The following GPC6 variants were observed in gnomAD, a reference collection of about 807,000 sequenced individuals.
The protein encoded by GPC6 is glypican 6, also known as glypican-6.
Under a neutral mutation model 55.2 loss-of-function variants are expected in GPC6, and 14 were observed. The observed-to-expected ratio is 0.25, with a 90% CI of 0.17 to 0.40. The LOEUF is 0.40. GPC6 is among the 10% of genes least tolerant of loss of function. The pLI is 1.00. For missense variants in GPC6, 641 were observed against 708.5 expected (o/e 0.90, Z 1.08); for synonymous variants, 278 against 259.6 (o/e 1.07, Z -0.68).
intron 1 of GPC6, among the ~76,000 whole-genome samples, chr13:93,261,970 G>GCATATAT (rs1877166138): frequency 7.1e-6 from 1 of 141,736 alleles, no homozygotes; most frequent in South Asian, 2.3e-4. Context: ...ACACACACTT[G>GCATATAT]CATATATTAT....
intron 6 of GPC6, among the ~76,000 whole-genome samples, chr13:94,311,371 G>T (rs1003222429): frequency 6.6e-6 from 1 of 152,134 alleles, no homozygotes; most frequent in Non-Finnish European, 1.5e-5. Flanking sequence ...GTTTCACCAT[G>T]TTTTCCAGGC....
intron 2 of GPC6, among the ~76,000 whole-genome samples, chr13:93,581,085 T>G (rs1876914992): frequency 6.6e-6 from 1 of 152,156 alleles, no homozygotes; most frequent in Non-Finnish European, 1.5e-5. Context: ...CTTTTTAAAG[T>G]TTTCACTTCT....
At chr13:93,758,247 G>C (rs181479507) in intron 2 of GPC6, among the ~76,000 whole-genome samples, 372 of 152,238 alleles carry the variant, frequency 2.4e-3, no homozygotes, top group Non-Finnish European at 3.7e-3. Context: ...GAGGCAACAG[G>C]GCAGCTGTCT....
intron 1 of GPC6, among the ~76,000 whole-genome samples, chr13:93,234,705 A>AGT (rs1457204578): frequency 6.6e-6 from 1 of 151,758 alleles, no homozygotes; most frequent in African/African-American, 2.4e-5. Context: ...AGAGAGAGAG[A>AGT]GAGTGCAAGA....
chr13:94,024,421 T>C (rs576993345), intron 3 of GPC6, among the ~76,000 whole-genome samples: 4 of 152,270 alleles, frequency 2.6e-5, no homozygotes, highest in East Asian at 3.9e-4. Flanking sequence ...AAAGCAACAT[T>C]TTCAGAAGCT....
intron 1 of GPC6, among the ~76,000 whole-genome samples, chr13:93,412,917 T>C (rs1481749141): frequency 1.3e-5 from 2 of 152,184 alleles, no homozygotes. Context: ...CAAACTGTGA[T>C]GATTAGAAAA....
intron 1 of GPC6, among the ~76,000 whole-genome samples, chr13:93,477,193 G>A (rs1299654796): frequency 6.6e-6 from 1 of 151,958 alleles, no homozygotes; most frequent in African/African-American, 2.4e-5. Context: ...AAACAAAAGT[G>A]ATATTTTAGA....
At chr13:93,876,533 T>A (rs1889303367) in intron 3 of GPC6, among the ~76,000 whole-genome samples, 1 of 152,072 alleles carries the variant, frequency 6.6e-6, no homozygotes, top group Non-Finnish European at 1.5e-5. Context: ...TTTTGTTGCC[T>A]AAAAATGAGA....
At chr13:94,161,006 A>G (rs1177054157) in intron 4 of GPC6, among the ~76,000 whole-genome samples, 1 of 152,208 alleles carries the variant, frequency 6.6e-6, no homozygotes, top group Non-Finnish European at 1.5e-5. Flanking sequence ...TTACCAAGCC[A>G]GTGCCTGCCC....
At chr13:93,856,250 A>G (rs1319891635) in intron 3 of GPC6, among the ~76,000 whole-genome samples, 1 of 151,574 alleles carries the variant, frequency 6.6e-6, no homozygotes, top group Non-Finnish European at 1.5e-5. Flanking sequence ...GGTCTACTCA[A>G]CAGCAGCTGA....
chr13:94,262,075 G>A (rs1891672805), intron 4 of GPC6, among the ~76,000 whole-genome samples: 1 of 152,172 alleles, frequency 6.6e-6, no homozygotes, highest in African/African-American at 2.4e-5. Flanking sequence ...AAGAAGTCTT[G>A]GGAGGCATTT....
At chr13:93,970,131 A>G (rs903232958) in intron 3 of GPC6, among the ~76,000 whole-genome samples, 2 of 152,190 alleles carry the variant, frequency 1.3e-5, no homozygotes, top group Non-Finnish European at 2.9e-5. Flanking sequence ...CTTAATATTT[A>G]TTCTTTTCGA....
At chr13:93,614,019 C>G (rs754708746) in intron 2 of GPC6, among the ~76,000 whole-genome samples, 2 of 152,066 alleles carry the variant, frequency 1.3e-5, no homozygotes, top group Non-Finnish European at 2.9e-5. Context: ...GTTACTGTGG[C>G]CAAAAACCTC....
At chr13:94,017,365 C>T (rs1882508124) in intron 3 of GPC6, among the ~76,000 whole-genome samples, 1 of 152,250 alleles carries the variant, frequency 6.6e-6, no homozygotes, top group Non-Finnish European at 1.5e-5. Context: ...AATGGACTCA[C>T]ATTGCTGGGG....
intron 1 of GPC6, among the ~76,000 whole-genome samples, chr13:93,231,403 A>ATG (rs1489085767): frequency 6.8e-4 from 22 of 32,298 alleles, no homozygotes; most frequent in Non-Finnish European, 9.3e-4. Context: ...ATATGTATAT[A>ATG]TATATATATA....
intron 3 of GPC6, chr13:94,025,342 A>T (rs189826619): frequency 6.6e-6 from 1 of 152,330 alleles, no homozygotes; most frequent in East Asian, 1.9e-4. Context: ...CATGCCAATA[A>T]GGAAAATGTG....
rs149089568 is a variant in GPC6, at chr13:94,298,545, T to C, written c.1009-7435T>C. On this transcript the variant is annotated intron_variant, in intron 5 of 8. Transcript: ENST00000377047. The stretch of plus-strand genomic sequence containing the variant: ...CCATTGCCTGAGCTCTGAGCCCAGC[T>C]GTCTCCAGCACCCACGGCTCTGATA... Among the ~76,000 whole-genome samples the C allele has an allele frequency of 2.8e-3, 433 of 152,296 alleles. 4 individuals are homozygous for C. The highest frequency in any genetic ancestry group is 9.4e-3 in the African/African-American group (389 of 41,576).
chr13:93,344,706 C>G (rs773938831), intron 1 of GPC6, among the ~76,000 whole-genome samples: 1 of 152,134 alleles, frequency 6.6e-6, no homozygotes, highest in African/African-American at 2.4e-5. Flanking sequence ...GCCTTTTGTG[C>G]GATATTTTCA....
At chr13:94,182,993 G>T (rs760133450) in intron 4 of GPC6, among the ~76,000 whole-genome samples, 8 of 152,102 alleles carry the variant, frequency 5.3e-5, no homozygotes, top group African/African-American at 1.7e-4. Flanking sequence ...GCCCAGGCTG[G>T]TCTCAAACTC....
Sources: gnomAD v4.1 joint callset for allele counts (sites outside exome capture counted in the v4.1 genomes callset) on GRCh38, gnomAD v4.1.1 for gene constraint, MANE v1.5 for transcripts, NCBI Gene and HGNC (gene_info 2026-07-23, HGNC 2026-07-21) for gene names.